THSD7B: variants seen among roughly 807,000 people sequenced by gnomAD.
THSD7B encodes thrombospondin type 1 domain containing 7B, also known as thrombospondin type-1 domain-containing protein 7B.
A neutral mutation model predicts 213.6 loss-of-function variants in THSD7B; 138 were observed. That is an observed-to-expected ratio of 0.65 (90% CI 0.56 to 0.74). THSD7B has a LOEUF of 0.74. THSD7B is among the 30% of genes least tolerant of loss of function. THSD7B has a pLI of 0.00. For missense variants in THSD7B, 1,931 were observed against 1,991.5 expected, an observed-to-expected ratio of 0.97 and a Z score of 0.58; for synonymous variants, 742 against 687.0, an observed-to-expected ratio of 1.08 and a Z score of -1.25.
intron 2 of THSD7B, among the ~76,000 whole-genome samples, chr2:136,894,048 A>G (rs1444379704): frequency 6.6e-6 from 1 of 152,168 alleles, no homozygotes; most frequent in South Asian, 2.1e-4. Flanking sequence ...TTTTCCCCCA[A>G]AAGTGTAAAA....
chr2:136,912,179 G>A (rs536806717), intron 2 of THSD7B, among the ~76,000 whole-genome samples: 4 of 151,800 alleles, frequency 2.6e-5, no homozygotes, highest in African/African-American at 4.8e-5. Flanking sequence ...AAAATTAGCC[G>A]GGTGTGCTGG....
At chr2:137,228,585 A>G (rs181920895) in intron 7 of THSD7B, among the ~76,000 whole-genome samples, 37 of 152,304 alleles carry the variant, frequency 2.4e-4, no homozygotes, top group Admixed American at 1.9e-3. Context: ...AGTATTAACT[A>G]TCTTCCAGAT....
intron 1 of THSD7B, among the ~76,000 whole-genome samples, chr2:136,788,580 G>C (rs989312974): frequency 2.6e-5 from 4 of 152,050 alleles, no homozygotes; most frequent in Non-Finnish European, 5.9e-5. Flanking sequence ...TACATGCTTA[G>C]AATAAACTGT....
chr2:136,925,285 T>C lies in THSD7B; in HGVS notation c.139+42968T>C, dbSNP rs148619501. Among the ~76,000 whole-genome samples, 228 of 152,322 alleles carry C rather than the reference T, an allele frequency of 1.5e-3. 2 individuals are homozygous for C. The highest frequency in any genetic ancestry group is 2.3e-3 in the Non-Finnish European group (158 of 68,008). On this transcript the variant is annotated intron_variant, in intron 2 of 27. Transcript: ENST00000409968. The stretch of plus-strand genomic sequence containing the variant: ...AAGAAAAGCTTTTAGTTTTTCACCA[T>C]TGAGTATGTTATAGGCATGGACTTT...
At chr2:137,010,596 C>G (rs1316201594) in intron 2 of THSD7B, among the ~76,000 whole-genome samples, 1 of 152,112 alleles carries the variant, frequency 6.6e-6, no homozygotes, top group Non-Finnish European at 1.5e-5. Context: ...TGTTTGTTAC[C>G]ACAGTCTCTG....
chr2:136,995,009 C>T (rs1301797908), intron 2 of THSD7B, among the ~76,000 whole-genome samples: 1 of 152,130 alleles, frequency 6.6e-6, no homozygotes, highest in Admixed American at 6.5e-5. Context: ...CTGCAGTAGT[C>T]CTATCCCATG....
intron 2 of THSD7B, among the ~76,000 whole-genome samples, chr2:137,014,346 A>G (rs966988589): frequency 1.3e-5 from 2 of 152,120 alleles, no homozygotes; most frequent in Admixed American, 6.5e-5. Flanking sequence ...TTTGCATAAT[A>G]AATGTATTGT....
intron 15 of THSD7B, among the ~76,000 whole-genome samples, chr2:137,484,282 G>A (rs1315777532): frequency 6.7e-6 from 1 of 149,468 alleles, no homozygotes; most frequent in Admixed American, 6.7e-5. Context: ...TTGGTTTTTT[G>A]TTCTTGCGAT....
chr2:137,616,412 A>G, intron 18 of THSD7B, 96 bp downstream of exon 18: 1 of 1,140,644 alleles, frequency 8.8e-7, no homozygotes, highest in Non-Finnish European at 1.3e-6. Flanking sequence ...AAGAATGGAG[A>G]GTAGAATGTG....
At chr2:137,280,551 G>T (rs949740551) in intron 12 of THSD7B, among the ~76,000 whole-genome samples, 9 of 152,210 alleles carry the variant, frequency 5.9e-5, no homozygotes, top group African/African-American at 1.9e-4. Flanking sequence ...AAAACAAGAA[G>T]ATAGAACAGC....
intron 2 of THSD7B, among the ~76,000 whole-genome samples, chr2:136,890,128 T>C (rs560534303): frequency 6.6e-6 from 1 of 152,236 alleles, no homozygotes; most frequent in Non-Finnish European, 1.5e-5. Context: ...TCCCGACTTT[T>C]TGCACATTGC....
At chr2:137,134,552 G>A (rs1688797905) in intron 5 of THSD7B, among the ~76,000 whole-genome samples, 1 of 152,122 alleles carries the variant, frequency 6.6e-6, no homozygotes, top group Non-Finnish European at 1.5e-5. Context: ...AGGGGTGGGG[G>A]GCACTGTCAA....
intron 2 of THSD7B, among the ~76,000 whole-genome samples, chr2:136,900,902 A>G (rs189782256): frequency 3.8e-4 from 58 of 152,322 alleles, no homozygotes; most frequent in African/African-American, 1.4e-3. Context: ...AGGTGAGTAT[A>G]TGTTTTTAGA....
chr2:137,473,031 C>T (rs1260336638), intron 15 of THSD7B, among the ~76,000 whole-genome samples: 1 of 151,236 alleles, frequency 6.6e-6, no homozygotes, highest in Non-Finnish European at 1.5e-5. Context: ...CACAAGTCTT[C>T]CAAATTTCTA....
At chr2:137,366,984 A>G (rs1009264954) in intron 12 of THSD7B, among the ~76,000 whole-genome samples, 2 of 152,292 alleles carry the variant, frequency 1.3e-5, no homozygotes, top group Non-Finnish European at 2.9e-5. Flanking sequence ...ATTTACTTCC[A>G]AAGTGATGAT....
At chr2:137,348,996 G>A (rs1428302650) in intron 12 of THSD7B, among the ~76,000 whole-genome samples, 2 of 151,530 alleles carry the variant, frequency 1.3e-5, no homozygotes, top group East Asian at 1.9e-4. Context: ...CATCTAAAAT[G>A]TTGATTTTCT....
At chr2:137,425,107 T>TA (rs918634751) in intron 14 of THSD7B, among the ~76,000 whole-genome samples, 1 of 149,586 alleles carries the variant, frequency 6.7e-6, no homozygotes, top group Non-Finnish European at 1.5e-5. Flanking sequence ...ATGATAATAA[T>TA]AATAATACAA....
intron 9 of THSD7B, among the ~76,000 whole-genome samples, chr2:137,238,334 C>G (rs1240482790): frequency 6.6e-6 from 1 of 151,992 alleles, no homozygotes; most frequent in Non-Finnish European, 1.5e-5. Context: ...TGTTTTCATT[C>G]CCAGCTATCT....
intron 14 of THSD7B, 78 bp downstream of exon 14, chr2:137,411,950 T>C: frequency 6.7e-7 from 1 of 1,500,858 alleles, no homozygotes; most frequent in Non-Finnish European, 9.0e-7. Context: ...CTAGAATTAA[T>C]AGCTCTGCTC....
Sources: gnomAD v4.1 joint callset for allele counts (sites outside exome capture counted in the v4.1 genomes callset) on GRCh38, gnomAD v4.1.1 for gene constraint, MANE v1.5 for transcripts, NCBI Gene and HGNC (gene_info 2026-07-23, HGNC 2026-07-21) for gene names.